AKR1D1: variants seen among roughly 807,000 people sequenced by gnomAD.
AKR1D1 encodes the protein aldo-keto reductase family 1 member D1.
In AKR1D1, 32 loss-of-function variants were observed where a neutral mutation model predicts 42.6. The ratio of observed to expected loss-of-function variants is 0.75; its 90% confidence interval spans 0.57 to 1.01. The LOEUF (loss-of-function observed/expected upper bound fraction) is 1.01, where lower values mean the gene tolerates loss of function less well. AKR1D1 is among the 50% of genes least tolerant of loss of function. The pLI, the probability that AKR1D1 is intolerant of heterozygous loss-of-function variation, is 0.00. For missense variants in AKR1D1, 364 were observed against 402.2 expected, an observed-to-expected ratio of 0.91 and a Z score of 0.81; for synonymous variants, 123 against 135.5, an observed-to-expected ratio of 0.91 and a Z score of 0.64.
intron 1 of AKR1D1, 40 bp downstream of exon 1, chr7:138,076,651 C>T: frequency 6.5e-7 from 1 of 1,526,908 alleles, no homozygotes; most frequent in Admixed American, 1.7e-5. Context: ...TTGTTTGTTT[C>T]TTTTAACATT....
intron 3 of AKR1D1, among the ~76,000 whole-genome samples, chr7:138,097,550 G>A (rs1463081908): frequency 2.0e-5 from 3 of 152,226 alleles, no homozygotes; most frequent in Admixed American, 2.0e-4. Context: ...GGAGCAGGGT[G>A]TAAATTCCTG....
At chr7:138,098,164 G>A in intron 4 of AKR1D1, 1 of 525,320 alleles carries the variant, frequency 1.9e-6, no homozygotes, top group South Asian at 2.9e-5. Flanking sequence ...AGAAAAGAGA[G>A]AGGGGTGGAA....
chr7:138,099,559 T>C (rs1468003943), intron 4 of AKR1D1, among the ~76,000 whole-genome samples: 1 of 152,012 alleles, frequency 6.6e-6, no homozygotes, highest in African/African-American at 2.4e-5. Flanking sequence ...AATTGAGATA[T>C]CAGAATGAGG....
intron 3 of AKR1D1, among the ~76,000 whole-genome samples, 162 bp from the exon 4 acceptor site, chr7:138,097,704 A>G (rs538970745): frequency 6.6e-6 from 1 of 152,328 alleles, no homozygotes; most frequent in East Asian, 1.9e-4. Flanking sequence ...AGGTGTCTTA[A>G]TCCAGCTGGG....
chr7:138,083,540 CT>C (rs568824564), intron 1 of AKR1D1, among the ~76,000 whole-genome samples: 234 of 152,188 alleles, frequency 1.5e-3, no homozygotes, highest in African/African-American at 5.5e-3. Context: ...CATAAGTTGC[CT>C]TTTAACTCTG....
chr7:138,087,238 G>A lies in AKR1D1; in HGVS notation c.94-1363G>A, dbSNP rs146081364. 2.0e-4 allele frequency among the ~76,000 whole-genome samples: 31 copies of A among 152,224 alleles called. 2 individuals are homozygous for A. Among genetic ancestry groups the A allele is most frequent in the Middle Eastern group, 6.8e-3 (2 of 294 alleles). ...CACTATTACTCACATGACAGAAGAG[G>A]GAGCACCCACTCTCACAAGCCCTTT... On this transcript the variant is annotated intron_variant, in intron 1 of 8. Coordinates refer to ENST00000242375, the MANE Select transcript of AKR1D1 (RefSeq NM_005989.4).
intron 7 of AKR1D1, among the ~76,000 whole-genome samples, chr7:138,112,147 T>C (rs1034043705): frequency 5.3e-5 from 8 of 152,192 alleles, no homozygotes; most frequent in African/African-American, 1.9e-4. Flanking sequence ...GCAACCTCAC[T>C]TTGCCATTAG....
intron 1 of AKR1D1, among the ~76,000 whole-genome samples, chr7:138,077,495 A>G (rs1478429531): frequency 6.6e-5 from 10 of 152,188 alleles, no homozygotes; most frequent in African/African-American, 2.4e-4. Context: ...GGGAACTACA[A>G]TTCAAGATAA....
intron 5 of AKR1D1, among the ~76,000 whole-genome samples, chr7:138,106,260 T>C (rs900478942): frequency 1.3e-5 from 2 of 152,206 alleles, no homozygotes; most frequent in Non-Finnish European, 2.9e-5. Context: ...CAATCTATGC[T>C]AATAAAAAAA....
At chr7:138,116,039 G>A (rs1411374863) in intron 8 of AKR1D1, among the ~76,000 whole-genome samples, 1 of 152,080 alleles carries the variant, frequency 6.6e-6, no homozygotes, top group African/African-American at 2.4e-5. Context: ...TTGGGCAACC[G>A]TGGTGGCACA....
intron 2 of AKR1D1, 25 bp from the exon 3 acceptor site, chr7:138,091,743 A>T: frequency 6.6e-7 from 1 of 1,520,662 alleles, no homozygotes; most frequent in Non-Finnish European, 9.1e-7. Context: ...GACATTAGTT[A>T]ATTCTCCCTC....
At chr7:138,077,352 AG>A (rs1276496298) in intron 1 of AKR1D1, among the ~76,000 whole-genome samples, 1 of 152,170 alleles carries the variant, frequency 6.6e-6, no homozygotes, top group Non-Finnish European at 1.5e-5. Flanking sequence ...GCTGAGCCAA[AG>A]GGGAAAAGCC....
At chr7:138,079,504 A>C (rs1353255121) in intron 1 of AKR1D1, among the ~76,000 whole-genome samples, 1 of 152,248 alleles carries the variant, frequency 6.6e-6, no homozygotes, top group Non-Finnish European at 1.5e-5. Context: ...TAGACATCAC[A>C]CTACAAGAGG....
chr7:138,116,645 T>C lies in AKR1D1; in HGVS notation c.964T>C (p.Phe322Leu), dbSNP rs202168720. ...GTGGCGCGATCATCCTGAATACCCATTTCATGATGAATACTGACTGCAGGG... is the reference window on the plus strand; with the variant it reads ...GTGGCGCGATCATCCTGAATACCCACTTCATGATGAATACTGACTGCAGGG... ...LMWRDHPEYP[F>L]HDEY The change falls in exon 9 of 9, where the codon TTT (phenylalanine) becomes CTT (leucine). Residue 322 changes from phenylalanine to leucine, a missense_variant. Phe to Leu is a conservative substitution (Grantham distance 22). Transcript: ENST00000242375. 3 of 1,614,164 alleles carry C rather than the reference T, an allele frequency of 1.9e-6. No homozygotes were observed. Among genetic ancestry groups the C allele is most frequent in the Admixed American group, 3.3e-5 (2 of 60,012 alleles).
chr7:138,095,550 A>G (rs1562934084), intron 3 of AKR1D1, among the ~76,000 whole-genome samples: 1 of 152,106 alleles, frequency 6.6e-6, no homozygotes, highest in Non-Finnish European at 1.5e-5. Context: ...TTTGAGATGG[A>G]GTCTTGCTCT....
At chr7:138,093,658 T>A (rs982552788) in intron 3 of AKR1D1, among the ~76,000 whole-genome samples, 6 of 152,088 alleles carry the variant, frequency 3.9e-5, no homozygotes, top group Non-Finnish European at 8.8e-5. Context: ...CTGGCGTTTT[T>A]TTACACTTAA....
At position 138,106,678 on chromosome 7, in the gene AKR1D1, C is replaced by G. The variant is rs940741321; in HGVS notation, c.650C>G (p.Thr217Ser). The G allele has an allele frequency of 3.7e-6, 6 of 1,613,974 alleles. No homozygotes were observed. The highest frequency in any genetic ancestry group is 5.1e-6 in the Non-Finnish European group (6 of 1,179,890). ...TGCCAACAACATGACATTGTCATTACTGCATATAGCCCTTTGGGGACCAGT... is the reference window on the plus strand; with the variant it reads ...TGCCAACAACATGACATTGTCATTAGTGCATATAGCCCTTTGGGGACCAGT... Reference protein sequence around the residue: ...KFCQQHDIVITAYSPLGTSRN... With the variant: ...KFCQQHDIVISAYSPLGTSRN... Residue 217 changes from threonine (T) to serine (S), a missense_variant, in exon 6 of 9, where the codon ACT becomes AGT. By Grantham distance (58) the Thr-to-Ser change is moderately conservative (BLOSUM62 1). Transcript: ENST00000242375.
intron 1 of AKR1D1, among the ~76,000 whole-genome samples, chr7:138,077,176 T>G (rs1462247771): frequency 6.6e-6 from 1 of 152,206 alleles, no homozygotes; most frequent in Non-Finnish European, 1.5e-5. Flanking sequence ...TGGTCCATTC[T>G]CATGCTGCTA....
At chr7:138,098,016 T>C in intron 4 of AKR1D1, 73 bp downstream of exon 4, 1 of 1,185,956 alleles carries the variant, frequency 8.4e-7, no homozygotes, top group Admixed American at 1.7e-5. Flanking sequence ...CCTGTCATAT[T>C]TATGGAGAGA....
Sources: allele counts gnomAD v4.1 joint callset (sites outside exome capture counted in the v4.1 genomes callset), GRCh38; gene constraint gnomAD v4.1.1; transcripts MANE v1.5; gene names NCBI Gene and HGNC (gene_info 2026-07-23, HGNC 2026-07-21).